Variants in ADGRB3 observed in about 807,000 individuals in gnomAD.
The protein encoded by ADGRB3 is adhesion G protein-coupled receptor B3, also known as brain-specific angiogenesis inhibitor 3.
Under a neutral mutation model 193.4 loss-of-function variants are expected in ADGRB3, and 37 were observed. The ratio of observed to expected loss-of-function variants is 0.19; its 90% CI spans 0.15 to 0.25. The LOEUF is 0.25. Among genes scored for constraint, ADGRB3 ranks in the 10% least tolerant of loss-of-function variants. The pLI is 1.00. For missense variants in ADGRB3, 1,637 were observed against 1,852.9 expected, an observed-to-expected ratio of 0.88 and a Z score of 2.14; for synonymous variants, 690 against 644.2, an observed-to-expected ratio of 1.07 and a Z score of -1.08.
chr6:68,747,043 G>A (rs1054536937), intron 3 of ADGRB3, among the ~76,000 whole-genome samples: 1 of 152,132 alleles, frequency 6.6e-6, no homozygotes, highest in African/African-American at 2.4e-5. Flanking sequence ...TTAAGGTGAG[G>A]ATGATAAGAG....
intron 13 of ADGRB3, among the ~76,000 whole-genome samples, chr6:69,039,742 C>CTTTTTTT (rs34543678): frequency 7.7e-6 from 1 of 130,236 alleles, no homozygotes; most frequent in South Asian, 2.4e-4. Flanking sequence ...TTGTTTTTTT[C>CTTTTTTT]TTTTTTTTTT....
At chr6:69,104,056 T>G (rs531094373) in intron 17 of ADGRB3, among the ~76,000 whole-genome samples, 11 of 152,260 alleles carry the variant, frequency 7.2e-5, no homozygotes, top group Non-Finnish European at 1.2e-4. Context: ...ATTATTATAC[T>G]TTAAGTTTTA....
intron 3 of ADGRB3, among the ~76,000 whole-genome samples, chr6:68,678,923 C>A (rs1437869602): frequency 6.6e-6 from 1 of 152,036 alleles, no homozygotes; most frequent in Non-Finnish European, 1.5e-5. Context: ...GATATTACTT[C>A]AAGTTGTCCA....
At chr6:69,046,191 T>C (rs2150301010) in intron 13 of ADGRB3, among the ~76,000 whole-genome samples, 1 of 152,324 alleles carries the variant, frequency 6.6e-6, no homozygotes, top group East Asian at 1.9e-4. Flanking sequence ...ATGTATCTTT[T>C]ATTCTCTTTT....
intron 20 of ADGRB3, among the ~76,000 whole-genome samples, chr6:69,291,880 C>T (rs956134896): frequency 6.6e-6 from 1 of 152,162 alleles, no homozygotes; most frequent in African/African-American, 2.4e-5. Flanking sequence ...GAAGGATTTT[C>T]TGACCTTGCC....
intron 16 of ADGRB3, among the ~76,000 whole-genome samples, chr6:69,071,795 A>G (rs1254884451): frequency 6.6e-6 from 1 of 152,014 alleles, no homozygotes; most frequent in Non-Finnish European, 1.5e-5. Context: ...TTGTTTTCTT[A>G]GTTTACTGCA....
chr6:68,930,719 C>A, intron 4 of ADGRB3, 50 bp downstream of exon 4: 2 of 1,280,610 alleles, frequency 1.6e-6, no homozygotes, highest in Non-Finnish European at 1.1e-6. Flanking sequence ...TTTAATGAAA[C>A]CACTGCATGT....
intron 20 of ADGRB3, among the ~76,000 whole-genome samples, chr6:69,285,622 GACCAC>G (rs1337559077): frequency 6.6e-6 from 1 of 152,054 alleles, no homozygotes; most frequent in African/African-American, 2.4e-5. Flanking sequence ...AGTGAGCCAA[GACCAC>G]ACCACTGCAC....
At chr6:68,666,397 G>C (rs140472133) in intron 3 of ADGRB3, among the ~76,000 whole-genome samples, 1 of 151,918 alleles carries the variant, frequency 6.6e-6, no homozygotes, top group Admixed American at 6.6e-5. Context: ...TCATGTGACT[G>C]TTCCCATTTA....
chr6:68,794,426 C>A (rs1175780589), intron 3 of ADGRB3, among the ~76,000 whole-genome samples: 2 of 152,020 alleles, frequency 1.3e-5, no homozygotes, highest in African/African-American at 2.4e-5. Flanking sequence ...ATTTGAAATG[C>A]AAGCCAATTC....
intron 3 of ADGRB3, among the ~76,000 whole-genome samples, chr6:68,855,412 G>A (rs932054717): frequency 7.3e-6 from 1 of 136,300 alleles, no homozygotes; most frequent in African/African-American, 2.6e-5. Flanking sequence ...AAAACTAATA[G>A]CATTAATTTA....
intron 26 of ADGRB3, among the ~76,000 whole-genome samples, chr6:69,353,356 G>C (rs1406624811): frequency 6.6e-6 from 1 of 152,194 alleles, no homozygotes; most frequent in Non-Finnish European, 1.5e-5. Flanking sequence ...CAGTCCACCA[G>C]AAGTAGTGCT....
intron 3 of ADGRB3, among the ~76,000 whole-genome samples, chr6:68,842,097 T>A (rs1768169841): frequency 1.3e-5 from 2 of 152,046 alleles, no homozygotes; most frequent in South Asian, 2.1e-4. Flanking sequence ...TTATCATACA[T>A]TCCATGCCTA....
intron 3 of ADGRB3, among the ~76,000 whole-genome samples, chr6:68,772,179 A>G (rs1402435582): frequency 6.6e-6 from 1 of 152,052 alleles, no homozygotes; most frequent in Non-Finnish European, 1.5e-5. Context: ...GCTGTGAAGT[A>G]TTGCAGATGC....
intron 31 of ADGRB3, 102 bp from the exon 32 acceptor site, chr6:69,388,601 A>G: frequency 8.7e-7 from 1 of 1,143,952 alleles, no homozygotes; most frequent in Non-Finnish European, 1.2e-6. Context: ...TGCATCACAG[A>G]AACTGGATTA....
chr6:68,692,142 A>C (rs188293036), intron 3 of ADGRB3, among the ~76,000 whole-genome samples: 9 of 152,002 alleles, frequency 5.9e-5, no homozygotes, highest in Admixed American at 2.6e-4. Context: ...ATAATTATTT[A>C]TAAAAATAAT....
intron 17 of ADGRB3, among the ~76,000 whole-genome samples, chr6:69,197,062 A>G (rs916105665): frequency 1.3e-5 from 2 of 152,076 alleles, no homozygotes; most frequent in Non-Finnish European, 1.5e-5. Flanking sequence ...ATCAATATGT[A>G]TATGTGTGGG....
At chr6:68,832,955 A>G (rs922222095) in intron 3 of ADGRB3, among the ~76,000 whole-genome samples, 1 of 152,124 alleles carries the variant, frequency 6.6e-6, no homozygotes, top group Non-Finnish European at 1.5e-5. Flanking sequence ...CCATTTTGAC[A>G]TGTTAGCATC....
chr6:68,807,948 G>A (rs976604841), intron 3 of ADGRB3, among the ~76,000 whole-genome samples: 1 of 151,640 alleles, frequency 6.6e-6, no homozygotes, highest in Admixed American at 6.6e-5. Flanking sequence ...TTTTTCCCAG[G>A]GTGTCTCACT....
Sources: allele counts gnomAD v4.1 joint callset (sites outside exome capture counted in the v4.1 genomes callset), GRCh38; gene constraint gnomAD v4.1.1; transcripts MANE v1.5; gene names NCBI Gene and HGNC (gene_info 2026-07-23, HGNC 2026-07-21).